STX17: variants seen among roughly 807,000 people sequenced by gnomAD.
STX17 encodes the protein syntaxin 17.
STX17 carries 29 observed loss-of-function variants against 35.9 expected under a neutral mutation model. The ratio of observed to expected loss-of-function variants is 0.81; its 90% CI spans 0.60 to 1.10. The LOEUF (loss-of-function observed/expected upper bound fraction) is 1.10. Ranked by LOEUF, STX17 falls within the 50% of genes least tolerant of loss-of-function variation. The pLI, the probability that STX17 is intolerant of heterozygous loss-of-function variation, is 0.00. For missense variants in STX17, 312 were observed against 352.3 expected (o/e 0.89, Z 0.92); for synonymous variants, 92 against 118.3 (o/e 0.78, Z 1.44).
chr9:99,944,639 C>G (rs938187736), intron 3 of STX17, among the ~76,000 whole-genome samples: 2 of 151,780 alleles, frequency 1.3e-5, no homozygotes, highest in African/African-American at 4.8e-5. Flanking sequence ...CTCAGCCTCC[C>G]GAGTAGCTGG....
intron 3 of STX17, among the ~76,000 whole-genome samples, chr9:99,944,497 T>C (rs1829435519): frequency 6.7e-6 from 1 of 149,748 alleles, no homozygotes; most frequent in South Asian, 2.1e-4. Flanking sequence ...ATTATTTTTC[T>C]TTTCATTCAG....
At chr9:99,915,957 T>A in intron 2 of STX17, 3 of 445,154 alleles carry the variant, frequency 6.7e-6, no homozygotes, top group South Asian at 4.8e-5. Context: ...GGCAGAGAAC[T>A]TTGGCTAATG....
chr9:99,958,073 A>G (rs1024730945), intron 4 of STX17, among the ~76,000 whole-genome samples: 2 of 152,228 alleles, frequency 1.3e-5, no homozygotes, highest in African/African-American at 4.8e-5. Context: ...AACATAGTTT[A>G]CAAATGCCAT....
chr9:99,928,930 AC>A, intron 3 of STX17, 87 bp downstream of exon 3: 1 of 1,097,882 alleles, frequency 9.1e-7, no homozygotes, highest in Non-Finnish European at 1.3e-6. Flanking sequence ...TTGCAGCTGA[AC>A]CCTTTTATAC....
chr9:99,921,953 A>G (rs781531899), intron 2 of STX17, among the ~76,000 whole-genome samples: 5 of 152,156 alleles, frequency 3.3e-5, no homozygotes, highest in Non-Finnish European at 2.9e-5. Context: ...TAAAGAAGGA[A>G]GGTGGAAAAA....
At chr9:99,924,472 T>G (rs1004805194) in intron 2 of STX17, among the ~76,000 whole-genome samples, 3 of 152,128 alleles carry the variant, frequency 2.0e-5, no homozygotes, top group African/African-American at 7.2e-5. Flanking sequence ...ATGCATTAGA[T>G]TCAGAACATT....
intron 6 of STX17, among the ~76,000 whole-genome samples, chr9:99,964,683 G>A (rs531530420): frequency 6.6e-6 from 1 of 152,180 alleles, no homozygotes; most frequent in South Asian, 2.1e-4. Context: ...CACCATTAAT[G>A]TTTAGAGCTT....
intron 6 of STX17, among the ~76,000 whole-genome samples, chr9:99,963,907 G>A (rs938007131): frequency 6.6e-6 from 1 of 152,096 alleles, no homozygotes; most frequent in African/African-American, 2.4e-5. Flanking sequence ...TATCATAGGA[G>A]TTTAGAACCA....
chr9:99,967,899 T>C (rs1829948117), intron 7 of STX17, among the ~76,000 whole-genome samples, 160 bp downstream of exon 7: 1 of 152,234 alleles, frequency 6.6e-6, no homozygotes, highest in Admixed American at 6.5e-5. Context: ...AATGTTGTAA[T>C]ATTCTACTCT....
At chr9:99,939,519 A>G (rs894679067) in intron 3 of STX17, among the ~76,000 whole-genome samples, 14 of 152,192 alleles carry the variant, frequency 9.2e-5, no homozygotes, top group Non-Finnish European at 1.8e-4. Flanking sequence ...ACTATGCACA[A>G]TGCTTTTTAC....
chr9:99,935,344 A>AG (rs1473798335), intron 3 of STX17, among the ~76,000 whole-genome samples: 2 of 151,988 alleles, frequency 1.3e-5, no homozygotes, highest in East Asian at 3.9e-4. Flanking sequence ...AAAAAAAAAA[A>AG]AAAAGAAAAA....
At position 99,972,617 on chromosome 9, in the gene STX17, A is replaced by G. The variant is rs1348148109; in HGVS notation, c.*3944A>G. On this transcript the variant is annotated 3_prime_UTR_variant, in exon 8 of 8. Transcript: ENST00000259400. ...TTCCTGCCCTCCCTTAAGTGCTCTA[A>G]GATTTTTGTACAGGAGTAAGAATCA... 2.6e-5 allele frequency among the ~76,000 whole-genome samples: 4 copies of G among 152,186 alleles called. No individual in the cohort carries two copies. The highest frequency in any genetic ancestry group is 2.6e-4 in the Admixed American group (4 of 15,278).
chr9:99,929,040 C>T (rs1443714847), intron 3 of STX17, 197 bp downstream of exon 3: 2 of 498,138 alleles, frequency 4.0e-6, no homozygotes, highest in Non-Finnish European at 7.2e-6. Context: ...CCAAATTTTC[C>T]TCCAGAAATG....
chr9:99,952,148 C>A (rs191119617), intron 4 of STX17, among the ~76,000 whole-genome samples: 3 of 152,024 alleles, frequency 2.0e-5, no homozygotes, highest in East Asian at 3.9e-4. Flanking sequence ...TTAATCCTTA[C>A]GGAAAAGGTG....
At chr9:99,961,477 G>A (rs888342987) in intron 6 of STX17, among the ~76,000 whole-genome samples, 8 of 152,302 alleles carry the variant, frequency 5.3e-5, no homozygotes, top group African/African-American at 1.9e-4. Flanking sequence ...ACATAGATTA[G>A]GAAGCACAAA....
intron 2 of STX17, among the ~76,000 whole-genome samples, chr9:99,927,318 T>C (rs1308342548): frequency 6.6e-6 from 1 of 152,212 alleles, no homozygotes; most frequent in Non-Finnish European, 1.5e-5. Flanking sequence ...TCTCAAACTT[T>C]TATTACTGTT....
rs5899399 is a variant in STX17, at chr9:99,971,288, CTTTT to C, written c.*2627_*2630del. Among the ~76,000 whole-genome samples, 2 of 147,250 alleles carry C rather than the reference CTTTT, an allele frequency of 1.4e-5. No individual in the cohort carries two copies. The highest frequency in any genetic ancestry group is 2.5e-5 in the African/African-American group (1 of 40,304). On this transcript the variant is annotated 3_prime_UTR_variant, in exon 8 of 8. Transcript: ENST00000259400. ...TGGATAAAGGCAGCAATCCTAAGGA[CTTTT>C]TTTTTTTTTTTAACATAATCTGAGA...
chr9:99,916,527 T>C (rs1342195967), intron 2 of STX17, among the ~76,000 whole-genome samples: 1 of 152,030 alleles, frequency 6.6e-6, no homozygotes. Flanking sequence ...CATTATTCAT[T>C]ACTCAACTCA....
In STX17 at chr9:99,973,215, GAAAA is replaced by G. The variant is rs11312818; in HGVS notation, c.*4550_*4553del. On this transcript the variant is annotated 3_prime_UTR_variant, in exon 8 of 8. Coordinates refer to ENST00000259400, the MANE Select transcript of STX17 (RefSeq NM_017919.3). ...AAATATATCTGTGCAATATTAAATT[GAAAA>G]AAAAAAACCCATAAAAAGTGTCAAA... Among the ~76,000 whole-genome samples, 1 of 146,290 alleles carries G rather than the reference GAAAA, an allele frequency of 6.8e-6. No individual in the cohort carries two copies. The highest frequency in any genetic ancestry group is 2.2e-4 in the South Asian group (1 of 4,516).
Sources: gnomAD v4.1 joint callset for allele counts (sites outside exome capture counted in the v4.1 genomes callset) on GRCh38, gnomAD v4.1.1 for gene constraint, MANE v1.5 for transcripts, NCBI Gene and HGNC (gene_info 2026-07-23, HGNC 2026-07-21) for gene names.